PCCA: variants seen among roughly 807,000 people sequenced by gnomAD.
The protein encoded by PCCA is propionyl-CoA carboxylase alpha chain, mitochondrial.
In PCCA, 74 loss-of-function variants were observed where a neutral mutation model predicts 101.3. The observed-to-expected ratio is 0.73, with a 90% confidence interval of 0.61 to 0.89. PCCA has a LOEUF of 0.89. Ranked by LOEUF, PCCA falls within the 40% of genes least tolerant of loss-of-function variation. PCCA has a pLI of 0.00. For missense variants in PCCA, 891 were observed against 907.0 expected, an observed-to-expected ratio of 0.98 and a Z score of 0.23; for synonymous variants, 294 against 313.6, an observed-to-expected ratio of 0.94 and a Z score of 0.66.
chr13:100,455,066 T>G (rs991051216), intron 21 of PCCA, among the ~76,000 whole-genome samples: 1 of 152,086 alleles, frequency 6.6e-6, no homozygotes, highest in African/African-American at 2.4e-5. Flanking sequence ...AAGCCAGCAC[T>G]TTGGGAGGCT....
At chr13:100,231,937 G>A (rs957534936) in intron 7 of PCCA, among the ~76,000 whole-genome samples, 2 of 152,024 alleles carry the variant, frequency 1.3e-5, no homozygotes, top group African/African-American at 2.4e-5. Flanking sequence ...TTTCCTGTGC[G>A]TTCAAATGTG....
intron 8 of PCCA, among the ~76,000 whole-genome samples, chr13:100,251,291 T>C (rs577952412): frequency 1.2e-4 from 18 of 152,304 alleles, no homozygotes; most frequent in African/African-American, 4.3e-4. Context: ...TACAAAAATA[T>C]TCAAAGGACC....
In PCCA at chr13:100,317,384, G is replaced by A. The variant is rs374564019; in HGVS notation, c.1429+7476G>A. Among the ~76,000 whole-genome samples, 29 of 152,258 alleles carry A rather than the reference G, an allele frequency of 1.9e-4. No homozygotes were observed. In the East Asian group the frequency reaches 2.5e-3, roughly 13 times the overall value. On this transcript the variant is annotated intron_variant, in intron 16 of 23. Transcript: ENST00000376285. Reference sequence around the variant, plus strand: ...GAGATGTTCCCCCATAAGTAGGAACGTCTGTTTTCTGATGTATACCATCGA... The same window carrying A: ...GAGATGTTCCCCCATAAGTAGGAACATCTGTTTTCTGATGTATACCATCGA...
intron 6 of PCCA, among the ~76,000 whole-genome samples, chr13:100,170,919 T>C (rs1313955632): frequency 1.3e-5 from 2 of 152,236 alleles, no homozygotes; most frequent in Non-Finnish European, 2.9e-5. Context: ...AATAGAGCAT[T>C]GGTTCCCAGT....
chr13:100,209,561 C>CAG (rs957244076), intron 7 of PCCA, 98 bp downstream of exon 7: 2 of 511,352 alleles, frequency 3.9e-6, no homozygotes, highest in Non-Finnish European at 7.4e-6. Context: ...TTGGGATATA[C>CAG]ACACACACAC....
chr13:100,482,975 A>G (rs1338081313), intron 21 of PCCA, among the ~76,000 whole-genome samples: 1 of 152,214 alleles, frequency 6.6e-6, no homozygotes, highest in African/African-American at 2.4e-5. Flanking sequence ...TAATGTTTCT[A>G]ATAATGGAAT....
chr13:100,400,406 G>A (rs2077268579), intron 19 of PCCA, among the ~76,000 whole-genome samples: 1 of 151,944 alleles, frequency 6.6e-6, no homozygotes, highest in African/African-American at 2.4e-5. Flanking sequence ...TGTTCTGTGC[G>A]CTTATGTATA....
rs2046669869 is a variant in PCCA, at chr13:100,095,304, T to TTTGA, written c.105+6079_105+6080insTTGA. On this transcript the variant is annotated intron_variant, in intron 1 of 23. Transcript: ENST00000376285. The stretch of plus-strand genomic sequence containing the variant: ...TTGGCAAAGACACTTTATCACAGGT[T>TTTGA]CCAGGACGTGGACACATCATTTTAG... Among the ~76,000 whole-genome samples the TTTGA allele has an allele frequency of 3.3e-5, 5 of 152,336 alleles. No homozygotes were observed. In the South Asian group the frequency reaches 8.3e-4, roughly 25 times the overall value.
intron 8 of PCCA, among the ~76,000 whole-genome samples, chr13:100,240,297 C>A (rs113316469): frequency 3.3e-5 from 5 of 152,174 alleles, no homozygotes; most frequent in African/African-American, 1.2e-4. Context: ...GTATACTACT[C>A]CCTTCTCTGC....
intron 10 of PCCA, chr13:100,268,438 C>T: frequency 1.9e-6 from 1 of 519,518 alleles, no homozygotes; most frequent in South Asian, 2.0e-5. Flanking sequence ...TGATGTTTTA[C>T]TCGTTGTATT....
chr13:100,303,039 C>T (rs762251612), intron 14 of PCCA, 41 bp downstream of exon 14: 23 of 1,096,096 alleles, frequency 2.1e-5, no homozygotes, highest in Non-Finnish European at 2.7e-5. Context: ...GGGTTAAAAT[C>T]GTGATTTATG....
intron 17 of PCCA, 142 bp downstream of exon 17, chr13:100,330,813 A>G (rs947816246): frequency 8.9e-5 from 57 of 639,932 alleles, no homozygotes; most frequent in Non-Finnish European, 1.3e-4. Flanking sequence ...GACTGTTTAC[A>G]TTCATGATTT....
chr13:100,393,359 C>G (rs1005724787), intron 19 of PCCA, among the ~76,000 whole-genome samples: 24 of 150,966 alleles, frequency 1.6e-4, no homozygotes, highest in African/African-American at 5.6e-4. Flanking sequence ...TTTGTCAAAC[C>G]AAGTTTTTAA....
intron 20 of PCCA, among the ~76,000 whole-genome samples, chr13:100,430,073 C>G (rs1295223726): frequency 6.6e-6 from 1 of 151,842 alleles, no homozygotes; most frequent in Non-Finnish European, 1.5e-5. Context: ...GTTCGGAGTT[C>G]GAGACCAGCC....
chr13:100,369,674 G>A (rs1196143347), intron 19 of PCCA, among the ~76,000 whole-genome samples: 9 of 152,144 alleles, frequency 5.9e-5, no homozygotes, highest in East Asian at 1.9e-4. Flanking sequence ...TTGCTGAAAC[G>A]TTAGATACTG....
intron 18 of PCCA, among the ~76,000 whole-genome samples, chr13:100,342,093 G>T (rs1220677992): frequency 6.6e-6 from 1 of 151,498 alleles, no homozygotes; most frequent in East Asian, 1.9e-4. Context: ...ACTTGTGCAA[G>T]ATAAACAGCA....
intron 8 of PCCA, among the ~76,000 whole-genome samples, chr13:100,251,344 C>T (rs2061741884): frequency 1.3e-5 from 2 of 152,146 alleles, no homozygotes; most frequent in South Asian, 4.1e-4. Context: ...AATGTTCATT[C>T]ACAGTGGAAT....
intron 15 of PCCA, among the ~76,000 whole-genome samples, chr13:100,307,961 C>T (rs111615410): frequency 1.3e-5 from 2 of 152,128 alleles, no homozygotes; most frequent in African/African-American, 2.4e-5. Context: ...CAGGTTCAAG[C>T]GATTCTCCTG....
chr13:100,094,337 G>C (rs1056755960), intron 1 of PCCA, among the ~76,000 whole-genome samples: 1 of 151,522 alleles, frequency 6.6e-6, no homozygotes, highest in Non-Finnish European at 1.5e-5. Context: ...AAAAAATACT[G>C]CTTTTGACAA....
Sources: gnomAD v4.1 joint callset for allele counts (sites outside exome capture counted in the v4.1 genomes callset) on GRCh38, gnomAD v4.1.1 for gene constraint, MANE v1.5 for transcripts, NCBI Gene and HGNC (gene_info 2026-07-23, HGNC 2026-07-21) for gene names.